MEF2D: variants seen among roughly 807,000 people sequenced by gnomAD.
MEF2D encodes the protein myocyte enhancer factor 2D.
Under a neutral mutation model 59.3 loss-of-function variants are expected in MEF2D, and 10 were observed. The ratio of observed to expected loss-of-function variants is 0.17; its 90% CI spans 0.10 to 0.29. MEF2D has a LOEUF of 0.29. Among genes scored for constraint, MEF2D ranks in the 10% least tolerant of loss-of-function variants. The pLI, the probability that MEF2D is intolerant of heterozygous loss-of-function variation, is 1.00. For synonymous variants in MEF2D, 305 were observed against 295.0 expected, an observed-to-expected ratio of 1.03 and a Z score of -0.35; for missense variants, 508 against 699.4, an observed-to-expected ratio of 0.73 and a Z score of 3.09.
chr1:156,482,691 T>C (rs751851589), intron 2 of MEF2D, 51 bp from the exon 3 acceptor site: 16 of 1,558,678 alleles, frequency 1.0e-5, no homozygotes, highest in South Asian at 4.5e-5. Flanking sequence ...TAAGGCCTGA[T>C]TGGGAGTCCC....
chr1:156,494,946 G>T (rs1018459671), intron 1 of MEF2D, among the ~76,000 whole-genome samples: 1 of 152,176 alleles, frequency 6.6e-6, no homozygotes, highest in Non-Finnish European at 1.5e-5. Flanking sequence ...GGCCTGGGAG[G>T]CTCACATTGG....
intron 3 of MEF2D, 97 bp downstream of exon 3, chr1:156,482,340 G>T: frequency 8.1e-7 from 1 of 1,242,120 alleles, no homozygotes; most frequent in Non-Finnish European, 1.2e-6. Context: ...ATACCAGTGT[G>T]TGTGCATAGG....
rs544613795 is a variant in MEF2D at position 156,486,202 on chromosome 1, A to T, written c.-138-2772T>A. Among the ~76,000 whole-genome samples, 312 of 152,206 alleles carry T rather than the reference A, an allele frequency of 2.0e-3. 3 individuals carry two copies. Among genetic ancestry groups the T allele is most frequent in the Non-Finnish European group, 2.1e-3 (141 of 68,004 alleles). On this transcript the variant is annotated intron_variant, in intron 1 of 11. Coordinates refer to ENST00000348159, the MANE Select transcript of MEF2D (RefSeq NM_005920.4). ...TGGCCCAGCAGACACCTGAGCCCCA[A>T]ACCAGCTCCAGACACCCCATTCCTC...
At chr1:156,475,281 C>T (rs1229786302) in intron 8 of MEF2D, 44 bp from the exon 9 acceptor site, 2 of 1,541,654 alleles carry the variant, frequency 1.3e-6, no homozygotes, top group South Asian at 1.3e-5. Flanking sequence ...GACAGGTGGG[C>T]AGCTTTATGT....
intron 9 of MEF2D, among the ~76,000 whole-genome samples, chr1:156,473,250 C>T (rs1195287087): frequency 6.6e-6 from 1 of 151,566 alleles, no homozygotes; most frequent in Non-Finnish European, 1.5e-5. Flanking sequence ...CTCTTGACCT[C>T]GTGATCCTCC....
chr1:156,470,445 G>A (rs1030899247), intron 9 of MEF2D, among the ~76,000 whole-genome samples: 118 of 151,438 alleles, frequency 7.8e-4, no homozygotes, highest in Non-Finnish European at 1.4e-3. Flanking sequence ...AAGAAAGAAA[G>A]AAAGAAAATG....
At chr1:156,487,255 C>A (rs1397667519) in intron 1 of MEF2D, among the ~76,000 whole-genome samples, 2 of 152,206 alleles carry the variant, frequency 1.3e-5, no homozygotes, top group African/African-American at 4.8e-5. Context: ...AACAGAGATT[C>A]ACTGAGCATC....
rs1021939228 is a variant in MEF2D at position 156,477,285 on chromosome 1, T to C, written c.665-83A>G. ...ATTAACTTCCCCACACCAATACTCC[T>C]GTTACCCGGAACCTCTCAAAGCCAT... On this transcript the variant is annotated intron_variant, in intron 6 of 11. Transcript: ENST00000348159. The C allele has an allele frequency of 1.8e-5, 22 of 1,230,176 alleles. No individual in the cohort carries two copies. The Admixed American group carries it at 4.6e-4, about 26-fold the overall frequency. The allele number at this position is 1,230,176 out of a possible 1,614,324, so 76.2% of individuals were successfully genotyped here.
intron 9 of MEF2D, among the ~76,000 whole-genome samples, chr1:156,469,602 A>C (rs1034921418): frequency 8.7e-6 from 1 of 114,638 alleles, no homozygotes; most frequent in Non-Finnish European, 2.1e-5. Context: ...AAAAAAAAAA[A>C]AAAACAGCTG....
At chr1:156,481,771 C>T (rs1571244558) in intron 3 of MEF2D, among the ~76,000 whole-genome samples, 2 of 152,176 alleles carry the variant, frequency 1.3e-5, no homozygotes, top group Admixed American at 6.5e-5. Context: ...GTTCTGTATC[C>T]CCAAGGTGCA....
At chr1:156,481,997 C>T (rs961849049) in intron 3 of MEF2D, among the ~76,000 whole-genome samples, 1 of 152,146 alleles carries the variant, frequency 6.6e-6, no homozygotes, top group African/African-American at 2.4e-5. Flanking sequence ...ATAGAACTAC[C>T]GGGCCCACAA....
chr1:156,469,470 C>A (rs1194068392), intron 9 of MEF2D, among the ~76,000 whole-genome samples: 2 of 151,886 alleles, frequency 1.3e-5, no homozygotes, highest in Non-Finnish European at 2.9e-5. Context: ...GCTGGCAAGG[C>A]TGGTCTCAAA....
rs1281393460 is a variant in MEF2D at position 156,464,169 on chromosome 1, C to G, written c.*3476G>C. 6.6e-6 allele frequency: 1 copy of G among 152,592 alleles called. No individual in the cohort carries two copies. The highest frequency in any genetic ancestry group is 1.5e-5 in the Non-Finnish European group (1 of 68,044). The allele number at this position is 152,592 out of a possible 1,614,324, so 9.5% of individuals were successfully genotyped here. ...GCAGCAGAGGGGAGAACAAGGAGTTCCCAGGCTCCATGTCTCCTCCCCTCC... is the reference window on the plus strand; with the variant it reads ...GCAGCAGAGGGGAGAACAAGGAGTTGCCAGGCTCCATGTCTCCTCCCCTCC... On this transcript the variant is annotated 3_prime_UTR_variant, in exon 12 of 12. Transcript: ENST00000348159.
At chr1:156,484,463 T>C (rs1672220009) in intron 1 of MEF2D, among the ~76,000 whole-genome samples, 1 of 152,212 alleles carries the variant, frequency 6.6e-6, no homozygotes, top group African/African-American at 2.4e-5. Context: ...ATGGGCCAGA[T>C]TTGGTCCACG....
chr1:156,496,919 A>G (rs1673164419), intron 1 of MEF2D, among the ~76,000 whole-genome samples: 1 of 152,224 alleles, frequency 6.6e-6, no homozygotes, highest in South Asian at 2.1e-4. Context: ...AGGGAGAGGA[A>G]AAAGAAGATA....
intron 1 of MEF2D, among the ~76,000 whole-genome samples, chr1:156,492,213 T>G (rs1571268255): frequency 6.6e-6 from 1 of 152,350 alleles, no homozygotes; most frequent in Non-Finnish European, 1.5e-5. Flanking sequence ...AGCTGTCCTT[T>G]ACTTCCATTT....
intron 1 of MEF2D, among the ~76,000 whole-genome samples, chr1:156,491,478 C>A (rs1379959150): frequency 6.6e-6 from 1 of 152,212 alleles, no homozygotes; most frequent in Admixed American, 6.5e-5. Flanking sequence ...CAGGATGGGG[C>A]TGGTGAAGGG....
At chr1:156,493,804 T>A (rs984355371) in intron 1 of MEF2D, among the ~76,000 whole-genome samples, 2 of 152,106 alleles carry the variant, frequency 1.3e-5, no homozygotes, top group African/African-American at 4.8e-5. Context: ...TTGACTCCCC[T>A]GCTACAGTTT....
intron 5 of MEF2D, 67 bp from the exon 6 acceptor site, chr1:156,479,413 G>GAACATGAAGAGGGGACCC: frequency 2.6e-6 from 4 of 1,555,842 alleles, no homozygotes; most frequent in Non-Finnish European, 3.5e-6. Context: ...CTTGGGGACT[G>GAACATGAAGAGGGGACCC]AACATGAAGA....
Sources: allele counts gnomAD v4.1 joint callset (sites outside exome capture counted in the v4.1 genomes callset), GRCh38; gene constraint gnomAD v4.1.1; transcripts MANE v1.5; gene names NCBI Gene and HGNC (gene_info 2026-07-23, HGNC 2026-07-21).